CPNE8: variants seen among roughly 807,000 people sequenced by gnomAD.
CPNE8 encodes copine-8.
A neutral mutation model predicts 81.5 loss-of-function variants in CPNE8; 45 were observed. The observed-to-expected ratio is 0.55, with a 90% CI of 0.44 to 0.71. The LOEUF is 0.71. Ranked by LOEUF, CPNE8 falls within the 30% of genes least tolerant of loss-of-function variation. The pLI is 0.00. For missense variants in CPNE8, 594 were observed against 672.1 expected (o/e 0.88, Z 1.28); for synonymous variants, 252 against 226.3 (o/e 1.11, Z -1.02).
chr12:38,713,572 A>C (rs1940314929), intron 13 of CPNE8, among the ~76,000 whole-genome samples: 1 of 152,148 alleles, frequency 6.6e-6, no homozygotes, highest in African/African-American at 2.4e-5. Flanking sequence ...CACATTCTGT[A>C]TTTAAAGTTC....
chr12:38,880,327 A>G (rs1298799336), intron 1 of CPNE8, among the ~76,000 whole-genome samples: 1 of 152,256 alleles, frequency 6.6e-6, no homozygotes, highest in South Asian at 2.1e-4. Context: ...TTAGGCAGCT[A>G]CAGAAACTAA....
chr12:38,799,962 G>A (rs962973984), intron 6 of CPNE8, among the ~76,000 whole-genome samples: 3 of 149,782 alleles, frequency 2.0e-5, no homozygotes, highest in Admixed American at 1.3e-4. Flanking sequence ...CTTAAGAAAC[G>A]GCGCACCACG....
chr12:38,723,527 T>C (rs1940618743), intron 13 of CPNE8, among the ~76,000 whole-genome samples: 1 of 152,194 alleles, frequency 6.6e-6, no homozygotes, highest in Non-Finnish European at 1.5e-5. Context: ...AAAGTGAACA[T>C]AATAGCCATA....
intron 13 of CPNE8, among the ~76,000 whole-genome samples, chr12:38,710,847 C>G (rs770813529): frequency 3.3e-5 from 5 of 152,074 alleles, no homozygotes; most frequent in Non-Finnish European, 5.9e-5. Flanking sequence ...ATTTTAATAT[C>G]ACCGTACACT....
chr12:38,659,854 C>T (rs1227103040), intron 19 of CPNE8, among the ~76,000 whole-genome samples: 2 of 152,140 alleles, frequency 1.3e-5, no homozygotes, highest in Non-Finnish European at 2.9e-5. Context: ...TGAGTGAACT[C>T]CCATTCACAA....
At chr12:38,704,850 A>ATG (rs1565575644) in intron 13 of CPNE8, among the ~76,000 whole-genome samples, 1 of 134,236 alleles carries the variant, frequency 7.4e-6, no homozygotes, top group Non-Finnish European at 1.6e-5. Flanking sequence ...ATATATATAT[A>ATG]TATATATATA....
chr12:38,789,372 A>G (rs552320754), intron 6 of CPNE8, among the ~76,000 whole-genome samples: 2 of 151,894 alleles, frequency 1.3e-5, no homozygotes, highest in South Asian at 4.1e-4. Context: ...TGTTCAATAA[A>G]TGGTAGTGGG....
intron 3 of CPNE8, among the ~76,000 whole-genome samples, chr12:38,872,522 A>C (rs1478048424): frequency 6.6e-6 from 1 of 152,226 alleles, no homozygotes; most frequent in Non-Finnish European, 1.5e-5. Context: ...TAAATTAACA[A>C]TTCAGTCTCT....
At chr12:38,899,210 C>A (rs1944426745) in intron 1 of CPNE8, among the ~76,000 whole-genome samples, 2 of 152,248 alleles carry the variant, frequency 1.3e-5, no homozygotes, top group Middle Eastern at 3.4e-3. Context: ...GAAATCCTAA[C>A]CCCTAATGTG....
At chr12:38,811,024 C>G (rs1176580072) in intron 6 of CPNE8, among the ~76,000 whole-genome samples, 1 of 151,984 alleles carries the variant, frequency 6.6e-6, no homozygotes, top group African/African-American at 2.4e-5. Context: ...ATCTTGAGCT[C>G]AACGTATTAG....
chr12:38,806,415 G>A (rs1214014104), intron 6 of CPNE8, among the ~76,000 whole-genome samples: 1 of 149,106 alleles, frequency 6.7e-6, no homozygotes, highest in Non-Finnish European at 1.5e-5. Context: ...TGATCAAGTG[G>A]GCTTCATCCC....
At chr12:38,741,015 C>G (rs150950471) in intron 10 of CPNE8, among the ~76,000 whole-genome samples, 1,629 of 152,172 alleles carry the variant, frequency 0.011, 34 homozygotes, top group African/African-American at 0.036. Flanking sequence ...CAAACCACTG[C>G]TCAATGAAGT....
intron 7 of CPNE8, among the ~76,000 whole-genome samples, chr12:38,772,946 T>A (rs11503905): frequency 3.8e-5 from 5 of 132,614 alleles, no homozygotes; most frequent in Non-Finnish European, 8.3e-5. Flanking sequence ...CACACACACA[T>A]ATATATGTAA....
chr12:38,740,940 G>A (rs1941085061), intron 10 of CPNE8, among the ~76,000 whole-genome samples: 1 of 151,994 alleles, frequency 6.6e-6, no homozygotes, highest in Non-Finnish European at 1.5e-5. Context: ...TTTTTCTATT[G>A]ACTGGAATAG....
intron 6 of CPNE8, among the ~76,000 whole-genome samples, chr12:38,799,122 C>A (rs2136952697): frequency 1.3e-5 from 2 of 152,262 alleles, no homozygotes; most frequent in South Asian, 2.1e-4. Flanking sequence ...ACCCCACTGT[C>A]AACATTAGAC....
intron 3 of CPNE8, among the ~76,000 whole-genome samples, chr12:38,866,858 T>G (rs2137092434): frequency 6.6e-6 from 1 of 152,266 alleles, no homozygotes; most frequent in South Asian, 2.1e-4. Flanking sequence ...CAATCAAATA[T>G]TAATTGAACA....
intron 1 of CPNE8, among the ~76,000 whole-genome samples, chr12:38,899,601 T>C (rs1159647151): frequency 6.6e-6 from 1 of 152,266 alleles, no homozygotes; most frequent in African/African-American, 2.4e-5. Context: ...TGCAAGTATA[T>C]ATTTTAAAAC....
upstream of CPNE8, chr12:38,905,637 C>T: frequency 6.6e-7 from 1 of 1,506,338 alleles, no homozygotes; most frequent in Non-Finnish European, 8.9e-7. Context: ...AGGGTGGAGG[C>T]AGAAGAAGGA....
chr12:38,665,502 A>G (rs1315124560), intron 19 of CPNE8, among the ~76,000 whole-genome samples: 2 of 152,096 alleles, frequency 1.3e-5, no homozygotes, highest in African/African-American at 4.8e-5. Flanking sequence ...CTATTCGTAA[A>G]AATAAGTTTG....
Sources: allele counts gnomAD v4.1 joint callset (sites outside exome capture counted in the v4.1 genomes callset), GRCh38; gene constraint gnomAD v4.1.1; transcripts MANE v1.5; gene names NCBI Gene and HGNC (gene_info 2026-07-23, HGNC 2026-07-21).